The following GALNTL6 variants were observed in gnomAD, a reference collection of about 807,000 sequenced individuals.
The protein encoded by GALNTL6 is polypeptide N-acetylgalactosaminyltransferase-like 6.
GALNTL6 carries 46 observed loss-of-function variants against 73.7 expected under a neutral mutation model. The observed-to-expected ratio is 0.62, with a 90% CI of 0.49 to 0.80. The LOEUF (loss-of-function observed/expected upper bound fraction) is 0.80, where lower values mean the gene tolerates loss of function less well. GALNTL6 is among the 30% of genes least tolerant of loss of function. GALNTL6 has a pLI of 0.00. For synonymous variants in GALNTL6, 259 were observed against 263.7 expected (o/e 0.98, Z 0.17); for missense variants, 604 against 755.0 (o/e 0.80, Z 2.34).
At chr4:172,177,783 A>C (rs1735070793) in intron 2 of GALNTL6, among the ~76,000 whole-genome samples, 2 of 134,432 alleles carry the variant, frequency 1.5e-5, no homozygotes, top group African/African-American at 3.0e-5. Flanking sequence ...ACATATATAC[A>C]CATGTGTATA....
rs559607646 is a variant in GALNTL6 at position 172,180,834 on chromosome 4, C to T, written c.139-48822C>T. ...TATCTGTTTTGGTACCAGTACCATGCTGTTTTGGTTACTGTAGCCTTATAG... is the reference window on the plus strand; with the variant it reads ...TATCTGTTTTGGTACCAGTACCATGTTGTTTTGGTTACTGTAGCCTTATAG... On this transcript the variant is annotated intron_variant, in intron 2 of 12. Coordinates refer to ENST00000506823, the MANE Select transcript of GALNTL6 (RefSeq NM_001034845.3). Among the ~76,000 whole-genome samples, 496 of 152,218 alleles carry T rather than the reference C, an allele frequency of 3.3e-3. 2 individuals are homozygous for T. Among genetic ancestry groups the T allele is most frequent in the African/African-American group, 0.011 (468 of 41,538 alleles).
At chr4:171,908,916 T>G (rs1337161388) in intron 2 of GALNTL6, among the ~76,000 whole-genome samples, 1 of 145,464 alleles carries the variant, frequency 6.9e-6, no homozygotes, top group Non-Finnish European at 1.5e-5. Flanking sequence ...ACACCACATA[T>G]TCTCACTCAT....
intron 5 of GALNTL6, chr4:172,380,483 G>A: frequency 2.1e-6 from 1 of 481,204 alleles, no homozygotes; most frequent in Non-Finnish European, 4.0e-6. Context: ...GGGCAGCCCA[G>A]CCATCTTGTC....
Position 172,401,082 on chromosome 4 carries a change from G to T in GALNTL6, c.553+52393G>T, listed in dbSNP as rs530414673. Among the ~76,000 whole-genome samples, 37 of 152,120 alleles carry T rather than the reference G, an allele frequency of 2.4e-4. No homozygotes were observed. In the Middle Eastern group the frequency reaches 0.01, roughly 42 times the overall value. ...CATATTGAAAGGTGACTGTGCTCGG[G>T]TAATTCTCTTCTCCTTTTGCAAAGT... On this transcript the variant is annotated intron_variant, in intron 5 of 12. Transcript: ENST00000506823.
chr4:171,975,645 C>T (rs753762652), intron 2 of GALNTL6, among the ~76,000 whole-genome samples: 2 of 151,942 alleles, frequency 1.3e-5, no homozygotes, highest in Non-Finnish European at 2.9e-5. Flanking sequence ...AGGGCTAGAC[C>T]TAAAGAGAAT....
intron 3 of GALNTL6, among the ~76,000 whole-genome samples, chr4:172,278,890 A>T (rs972005825): frequency 6.6e-6 from 1 of 152,290 alleles, no homozygotes; most frequent in Non-Finnish European, 1.5e-5. Flanking sequence ...AATGGACTGC[A>T]ATAGAGTCCA....
intron 2 of GALNTL6, among the ~76,000 whole-genome samples, chr4:172,103,522 G>A (rs1422513475): frequency 6.6e-6 from 1 of 152,130 alleles, no homozygotes; most frequent in Non-Finnish European, 1.5e-5. Flanking sequence ...ATCAGCCCTT[G>A]CCCTGAATAA....
At chr4:172,676,439 A>G (rs1440318538) in intron 5 of GALNTL6, among the ~76,000 whole-genome samples, 2 of 152,184 alleles carry the variant, frequency 1.3e-5, no homozygotes, top group Admixed American at 6.5e-5. Context: ...ATAGACGTCT[A>G]TTCTACTGCA....
At chr4:171,993,569 T>C (rs1740401530) in intron 2 of GALNTL6, among the ~76,000 whole-genome samples, 1 of 152,152 alleles carries the variant, frequency 6.6e-6, no homozygotes, top group South Asian at 2.1e-4. Flanking sequence ...AATGAATATT[T>C]AGCCAAATGA....
chr4:172,066,503 T>C (rs1731368784), intron 2 of GALNTL6, among the ~76,000 whole-genome samples: 1 of 141,612 alleles, frequency 7.1e-6, no homozygotes, highest in Non-Finnish European at 1.6e-5. Flanking sequence ...GCTTATATCT[T>C]TACTGAATCT....
intron 2 of GALNTL6, among the ~76,000 whole-genome samples, chr4:171,892,681 C>T (rs1164578322): frequency 6.6e-6 from 1 of 152,076 alleles, no homozygotes; most frequent in Non-Finnish European, 1.5e-5. Flanking sequence ...CCCACCTCAG[C>T]CTCCCAAGTA....
chr4:172,528,089 A>G (rs185614889), intron 5 of GALNTL6, among the ~76,000 whole-genome samples: 28 of 151,750 alleles, frequency 1.8e-4, no homozygotes, highest in African/African-American at 6.5e-4. Context: ...AGAGTATTCA[A>G]TCAACTACAA....
At chr4:172,035,790 G>A (rs530614728) in intron 2 of GALNTL6, among the ~76,000 whole-genome samples, 6 of 152,174 alleles carry the variant, frequency 3.9e-5, no homozygotes, top group African/African-American at 1.4e-4. Context: ...AATATTCATG[G>A]GTTTTTGAGA....
intron 5 of GALNTL6, among the ~76,000 whole-genome samples, chr4:172,453,806 A>G (rs1418117246): frequency 6.6e-6 from 1 of 152,000 alleles, no homozygotes; most frequent in Non-Finnish European, 1.5e-5. Flanking sequence ...TTCTAATTCA[A>G]CAGGCCACTG....
chr4:172,852,958 C>A lies in GALNTL6; in HGVS notation c.924-29832C>A, dbSNP rs1294791778. Among the ~76,000 whole-genome samples, 5 of 152,248 alleles carry A rather than the reference C, an allele frequency of 3.3e-5. No homozygotes were observed. In the South Asian group the frequency reaches 6.2e-4, roughly 19 times the overall value. On this transcript the variant is annotated intron_variant, in intron 7 of 12. Coordinates refer to ENST00000506823, the MANE Select transcript of GALNTL6 (RefSeq NM_001034845.3). ...GGAGAAAAAATTAACACTTATTGAA[C>A]AATTACTTTAGGTTAAGTACTAAGC...
chr4:172,626,690 G>A (rs1295947809), intron 5 of GALNTL6, among the ~76,000 whole-genome samples: 2 of 152,014 alleles, frequency 1.3e-5, no homozygotes, highest in Non-Finnish European at 2.9e-5. Flanking sequence ...GTGTTTTGTA[G>A]TTCTCTTTGT....
intron 9 of GALNTL6, among the ~76,000 whole-genome samples, chr4:172,941,461 C>T (rs965719598): frequency 6.6e-6 from 1 of 152,172 alleles, no homozygotes; most frequent in African/African-American, 2.4e-5. Context: ...TTTGGTTATT[C>T]ACTCTCCTAC....
intron 3 of GALNTL6, among the ~76,000 whole-genome samples, chr4:172,257,675 A>G (rs544832299): frequency 1.3e-5 from 2 of 151,458 alleles, no homozygotes; most frequent in South Asian, 2.1e-4. Context: ...AAGATTGACT[A>G]TGTTTGAAGT....
At chr4:172,757,282 A>G (rs765138498) in intron 5 of GALNTL6, among the ~76,000 whole-genome samples, 21 of 152,302 alleles carry the variant, frequency 1.4e-4, no homozygotes, top group Non-Finnish European at 2.6e-4. Context: ...TTGGAATAGA[A>G]AATTCGTGTT....
Sources: gnomAD v4.1 joint callset for allele counts (sites outside exome capture counted in the v4.1 genomes callset) on GRCh38, gnomAD v4.1.1 for gene constraint, MANE v1.5 for transcripts, NCBI Gene and HGNC (gene_info 2026-07-23, HGNC 2026-07-21) for gene names.